The following CNTNAP5 variants were observed in gnomAD, a reference collection of about 807,000 sequenced individuals.
CNTNAP5 encodes the protein contactin associated protein family member 5.
In CNTNAP5, 72 loss-of-function variants were observed where a neutral mutation model predicts 150.2. The ratio of observed to expected loss-of-function variants is 0.48; its 90% confidence interval spans 0.40 to 0.58. The LOEUF is 0.58. CNTNAP5 is among the 20% of genes least tolerant of loss of function. CNTNAP5 has a pLI of 0.00. For missense variants in CNTNAP5, 1,636 were observed against 1,626.2 expected (o/e 1.01, Z -0.10); for synonymous variants, 672 against 619.8 (o/e 1.08, Z -1.25).
At chr2:124,896,456 C>G (rs1678306617) in intron 21 of CNTNAP5, among the ~76,000 whole-genome samples, 1 of 151,408 alleles carries the variant, frequency 6.6e-6, no homozygotes, top group African/African-American at 2.4e-5. Flanking sequence ...TTTCTTAAAG[C>G]AAGAAGGGGA....
At chr2:124,666,669 A>G (rs1423216568) in intron 13 of CNTNAP5, among the ~76,000 whole-genome samples, 1 of 152,164 alleles carries the variant, frequency 6.6e-6, no homozygotes, top group Non-Finnish European at 1.5e-5. Flanking sequence ...TTTACAGTAT[A>G]AAATGGTACA....
At chr2:124,768,273 G>T (rs1180630825) in intron 16 of CNTNAP5, among the ~76,000 whole-genome samples, 7 of 19,284 alleles carry the variant, frequency 3.6e-4, no homozygotes, top group African/African-American at 1.3e-3. Context: ...CTGTATGTAT[G>T]TGTGTGTGTG....
intron 14 of CNTNAP5, among the ~76,000 whole-genome samples, chr2:124,752,264 AG>A (rs1680743321): frequency 6.6e-6 from 1 of 152,074 alleles, no homozygotes; most frequent in Non-Finnish European, 1.5e-5. Context: ...TTTGTTGCCC[AG>A]GCTGTTCTTG....
At chr2:124,544,940 C>A (rs1211136456) in intron 10 of CNTNAP5, among the ~76,000 whole-genome samples, 1 of 152,072 alleles carries the variant, frequency 6.6e-6, no homozygotes, top group Non-Finnish European at 1.5e-5. Context: ...CATCAGGAGA[C>A]AAGGGCTTAT....
chr2:124,500,155 C>T (rs1388430703), intron 7 of CNTNAP5, among the ~76,000 whole-genome samples: 2 of 152,162 alleles, frequency 1.3e-5, no homozygotes, highest in African/African-American at 4.8e-5. Context: ...TGTACTTTGC[C>T]AAGTCCACCA....
At chr2:124,746,207 A>G (rs1441833358) in intron 13 of CNTNAP5, among the ~76,000 whole-genome samples, 1 of 152,220 alleles carries the variant, frequency 6.6e-6, no homozygotes, top group African/African-American at 2.4e-5. Context: ...CAGGCCTCAC[A>G]TCCTTCAGCC....
chr2:124,407,701 T>C (rs1691611425), intron 3 of CNTNAP5, among the ~76,000 whole-genome samples: 2 of 152,340 alleles, frequency 1.3e-5, no homozygotes, highest in Non-Finnish European at 2.9e-5. Flanking sequence ...TGTATAGGAT[T>C]AGAGATAAAG....
chr2:124,445,505 G>A (rs908242846), intron 5 of CNTNAP5, among the ~76,000 whole-genome samples: 10 of 152,178 alleles, frequency 6.6e-5, no homozygotes, highest in African/African-American at 2.4e-4. Context: ...AGAAGTTGTG[G>A]AACAAACCAA....
chr2:124,876,476 G>T (rs781695337), intron 21 of CNTNAP5, among the ~76,000 whole-genome samples: 1 of 151,688 alleles, frequency 6.6e-6, no homozygotes, highest in Non-Finnish European at 1.5e-5. Flanking sequence ...GAGAGAAGAG[G>T]GTGCAGTTAT....
chr2:124,221,259 G>A (rs1021077636), intron 1 of CNTNAP5, among the ~76,000 whole-genome samples: 8 of 152,076 alleles, frequency 5.3e-5, no homozygotes, highest in South Asian at 2.1e-4. Context: ...CAATTATTAC[G>A]GGAGCTCTTA....
At chr2:124,879,252 C>A (rs1677920824) in intron 21 of CNTNAP5, among the ~76,000 whole-genome samples, 1 of 152,070 alleles carries the variant, frequency 6.6e-6, no homozygotes, top group Non-Finnish European at 1.5e-5. Context: ...TTTATCTTCC[C>A]TGCTACTGTA....
At chr2:124,865,162 A>G in intron 19 of CNTNAP5, 144 bp from the exon 20 acceptor site, 2 of 636,916 alleles carry the variant, frequency 3.1e-6, no homozygotes, top group Non-Finnish European at 5.2e-6. Flanking sequence ...ACCCTGATAA[A>G]TATACGTGAT....
chr2:124,632,586 A>G (rs1677887122), intron 12 of CNTNAP5, among the ~76,000 whole-genome samples: 1 of 152,008 alleles, frequency 6.6e-6, no homozygotes, highest in African/African-American at 2.4e-5. Context: ...ATTAGGGGAA[A>G]AATCTAATTC....
At chr2:124,819,772 T>G (rs1290861749) in intron 19 of CNTNAP5, among the ~76,000 whole-genome samples, 2 of 152,050 alleles carry the variant, frequency 1.3e-5, no homozygotes, top group Non-Finnish European at 2.9e-5. Flanking sequence ...CATTGAGAAA[T>G]AGAGAGTCTG....
intron 3 of CNTNAP5, among the ~76,000 whole-genome samples, chr2:124,258,018 A>G (rs182481430): frequency 3.9e-5 from 6 of 152,290 alleles, no homozygotes; most frequent in Non-Finnish European, 8.8e-5. Context: ...CACTCATTAA[A>G]TCTGTCCTCA....
intron 19 of CNTNAP5, among the ~76,000 whole-genome samples, chr2:124,843,701 T>G (rs372032341): frequency 3.3e-5 from 5 of 152,040 alleles, no homozygotes; most frequent in African/African-American, 1.2e-4. Flanking sequence ...TTATGGCTAT[T>G]GCAGGAGTGA....
chr2:124,845,293 T>G (rs536784828), intron 19 of CNTNAP5, among the ~76,000 whole-genome samples: 41 of 152,208 alleles, frequency 2.7e-4, no homozygotes, highest in African/African-American at 9.1e-4. Flanking sequence ...TATTGACTTA[T>G]GTCTGTTAAA....
intron 3 of CNTNAP5, among the ~76,000 whole-genome samples, chr2:124,289,158 T>C (rs1189310814): frequency 6.6e-6 from 1 of 152,208 alleles, no homozygotes; most frequent in African/African-American, 2.4e-5. Flanking sequence ...TGTGCTGTGT[T>C]TCAGTCTTCA....
At chr2:124,045,687 G>C (rs1225627819) in intron 1 of CNTNAP5, among the ~76,000 whole-genome samples, 2 of 152,124 alleles carry the variant, frequency 1.3e-5, no homozygotes, top group Non-Finnish European at 2.9e-5. Context: ...AATGCACTGT[G>C]TAGACAATAA....
Sources: allele counts gnomAD v4.1 joint callset (sites outside exome capture counted in the v4.1 genomes callset), GRCh38; gene constraint gnomAD v4.1.1; transcripts MANE v1.5; gene names NCBI Gene and HGNC (gene_info 2026-07-23, HGNC 2026-07-21).